The following TTC12 variants were observed in gnomAD, a reference collection of about 807,000 sequenced individuals.
The protein encoded by TTC12 is tetratricopeptide repeat protein 12.
Under a neutral mutation model 90.1 loss-of-function variants are expected in TTC12, and 70 were observed. That is an observed-to-expected ratio of 0.78 (90% CI 0.64 to 0.95). TTC12 has a LOEUF of 0.95. TTC12 is among the 40% of genes least tolerant of loss of function. TTC12 has a pLI of 0.00. For missense variants in TTC12, 819 were observed against 846.1 expected (o/e 0.97, Z 0.40); for synonymous variants, 296 against 311.5 (o/e 0.95, Z 0.53).
rs782464972 is a variant in TTC12 at position 113,340,693 on chromosome 11, A to G, written c.856A>G (p.Asn286Asp). The change falls in exon 11 of 22, where the codon AAT becomes GAT. Residue 286 changes from asparagine (N) to aspartate (D), a missense_variant. Physicochemically the swap from Asn to Asp is conservative, Grantham distance 23 (BLOSUM62 1). Transcript: ENST00000529221. ...CTEQTLFRMH[N>D]GFSIISDNEV... ...AGAACAAACTTTATTCAGAATGCAC[A>G]ATGGATTTAGTATCATCAGTGACAA... 3 of 1,614,170 alleles carry G rather than the reference A, an allele frequency of 1.9e-6. No individual in the cohort carries two copies. The highest frequency in any genetic ancestry group is 2.2e-5 in the South Asian group (2 of 91,082).
chr11:113,340,843 C>A, intron 11 of TTC12, 110 bp downstream of exon 11: 2 of 911,814 alleles, frequency 2.2e-6, no homozygotes, highest in South Asian at 2.9e-5. Context: ...CATTACCCCC[C>A]TTCAGTCAGT....
At chr11:113,346,045 T>G (rs1341587277) in intron 13 of TTC12, among the ~76,000 whole-genome samples, 1 of 152,146 alleles carries the variant, frequency 6.6e-6, no homozygotes, top group African/African-American at 2.4e-5. Flanking sequence ...ACGAGGCAGT[T>G]TGAAGCAAGA....
intron 10 of TTC12, among the ~76,000 whole-genome samples, chr11:113,339,715 A>G (rs1948579458): frequency 6.6e-6 from 1 of 152,224 alleles, no homozygotes; most frequent in Non-Finnish European, 1.5e-5. Context: ...CACAACACGT[A>G]CACGTGGCAC....
rs184095925 is a variant in TTC12 at position 113,360,078 on chromosome 11, T to C, written c.1614+70T>C. 1.4e-4 allele frequency: 160 copies of C among 1,180,314 alleles called. No individual in the cohort carries two copies. The Admixed American group carries it at 1.4e-3, about 10-fold the overall frequency. The allele number at this position is 1,180,314 out of a possible 1,614,324, so 73.1% of individuals were successfully genotyped here. On this transcript the variant is annotated intron_variant, in intron 18 of 21. Coordinates refer to ENST00000529221, the MANE Select transcript of TTC12 (RefSeq NM_017868.4). ...TGTTTTGTTTTGTTTTGTTTTGTTT[T>C]ATTATCAGTGTAATCTTTTTGAAGT...
intron 7 of TTC12, among the ~76,000 whole-genome samples, chr11:113,331,393 T>C (rs1948056875): frequency 6.6e-6 from 1 of 152,222 alleles, no homozygotes; most frequent in African/African-American, 2.4e-5. Context: ...TGCTGCATGC[T>C]CACGAAATTC....
intron 2 of TTC12, among the ~76,000 whole-genome samples, chr11:113,321,297 A>C (rs945008442): frequency 6.6e-6 from 1 of 152,206 alleles, no homozygotes; most frequent in African/African-American, 2.4e-5. Flanking sequence ...CTTTTGTAGG[A>C]GTAAAAATTG....
chr11:113,315,934 T>C (rs938234236), intron 1 of TTC12: 5 of 216,898 alleles, frequency 2.3e-5, no homozygotes, highest in Non-Finnish European at 4.5e-5. Flanking sequence ...TCTGCTCTCT[T>C]CTCATCTCCA....
intron 13 of TTC12, among the ~76,000 whole-genome samples, chr11:113,344,993 C>T (rs1367402379): frequency 3.3e-5 from 5 of 152,098 alleles, no homozygotes; most frequent in Admixed American, 2.0e-4. Context: ...GATTCTGCCC[C>T]GTCCTTTATA....
At chr11:113,320,598 C>T (rs548394147) in intron 2 of TTC12, among the ~76,000 whole-genome samples, 3 of 152,194 alleles carry the variant, frequency 2.0e-5, no homozygotes, top group Non-Finnish European at 4.4e-5. Context: ...CTGTGTGTGA[C>T]CTGATTCTTC....
downstream of TTC12, among the ~76,000 whole-genome samples, chr11:113,367,293 A>G (rs538963698): frequency 6.6e-6 from 1 of 152,234 alleles, no homozygotes; most frequent in Non-Finnish European, 1.5e-5. Flanking sequence ...CCTGCCAGCC[A>G]TGTGACTTTG....
rs752438667 is a variant in TTC12 at position 113,363,785 on chromosome 11, C to A, written c.1717-43C>A. The A allele has an allele frequency of 3.6e-6, 5 of 1,392,440 alleles. No individual in the cohort carries two copies. In the Admixed American group the frequency reaches 5.1e-5, roughly 14 times the overall value. The allele number at this position is 1,392,440 out of a possible 1,614,324, so 86.3% of individuals were successfully genotyped here. On this transcript the variant is annotated intron_variant, in intron 19 of 21. Transcript: ENST00000529221. Reference sequence around the variant, plus strand: ...GCTGTGGTTTGTGGTCAAGAGCAATCATAGCACTGATTTTATTTTTCTAAT... The same window carrying A: ...GCTGTGGTTTGTGGTCAAGAGCAATAATAGCACTGATTTTATTTTTCTAAT...
intron 13 of TTC12, 109 bp downstream of exon 13, chr11:113,344,549 TA>T: frequency 8.6e-7 from 1 of 1,167,876 alleles, no homozygotes; most frequent in Non-Finnish European, 1.2e-6. Context: ...GAAGGATCAA[TA>T]ACAGAAAGAG....
chr11:113,364,400 A>G (rs1409714398), intron 20 of TTC12: 2 of 237,628 alleles, frequency 8.4e-6, no homozygotes, highest in African/African-American at 2.2e-5. Flanking sequence ...AGGTGAACTG[A>G]AGGAGGCTCC....
chr11:113,328,551 C>G (rs11214576), intron 6 of TTC12, among the ~76,000 whole-genome samples: 2,389 of 151,862 alleles, frequency 0.016, 76 homozygotes, highest in African/African-American at 0.054. Context: ...CACTCTACTT[C>G]TTTCATTTTT....
intron 18 of TTC12, among the ~76,000 whole-genome samples, chr11:113,361,553 T>G (rs1555155014): frequency 6.6e-6 from 1 of 150,758 alleles, no homozygotes; most frequent in Non-Finnish European, 1.5e-5. Flanking sequence ...TACAAGGCAG[T>G]GGAGCTGCGT....
Position 113,344,347 on chromosome 11 carries a change from T to C in TTC12, c.1061T>C (p.Leu354Pro), listed in dbSNP as rs1234632080. ...GCCGCCCTCTTGTCCTCCAAGGTCCTGGCCATCCGGCAGCAGAGCTTTGCC... is the reference window on the plus strand; with the variant it reads ...GCCGCCCTCTTGTCCTCCAAGGTCCCGGCCATCCGGCAGCAGAGCTTTGCC... Reference protein sequence around the residue: ...LLAALLSSKVLAIRQQSFALL... With the variant: ...LLAALLSSKVPAIRQQSFALL... The change falls in exon 13 of 22, where the codon CTG becomes CCG. Residue 354 changes from leucine (L) to proline (P), a missense_variant. Transcript: ENST00000529221. The C allele has an allele frequency of 6.2e-7, 1 of 1,614,246 alleles. No homozygotes were observed. Among genetic ancestry groups the C allele is most frequent in the Admixed American group, 1.7e-5 (1 of 60,030 alleles).
chr11:113,368,441 C>T (rs1408916882), downstream of TTC12: 13 of 1,550,584 alleles, frequency 8.4e-6, no homozygotes, highest in Middle Eastern at 1.3e-3. Flanking sequence ...CGACACCACC[C>T]TTGGAGACAC....
intron 19 of TTC12, 151 bp downstream of exon 19, chr11:113,362,653 G>C (rs57036902): frequency 3.2e-6 from 2 of 616,698 alleles, no homozygotes; most frequent in African/African-American, 3.7e-5. Context: ...ATTTGCTTCT[G>C]CCTGTCTACC....
At chr11:113,331,499 G>A (rs1156842666) in intron 7 of TTC12, among the ~76,000 whole-genome samples, 3 of 152,168 alleles carry the variant, frequency 2.0e-5, no homozygotes, top group East Asian at 3.9e-4. Flanking sequence ...GGATCATGAA[G>A]CTAGTGTCTG....
Sources: gnomAD v4.1 joint callset for allele counts (sites outside exome capture counted in the v4.1 genomes callset) on GRCh38, gnomAD v4.1.1 for gene constraint, MANE v1.5 for transcripts, NCBI Gene and HGNC (gene_info 2026-07-23, HGNC 2026-07-21) for gene names.